BOP1: variants seen among roughly 807,000 people sequenced by gnomAD.
BOP1 encodes the protein ribosome biogenesis protein BOP1.
BOP1 carries 54 observed loss-of-function variants against 82.9 expected under a neutral mutation model. The observed-to-expected ratio is 0.65, with a 90% CI of 0.52 to 0.82. The LOEUF (loss-of-function observed/expected upper bound fraction) is 0.82. BOP1 is among the 40% of genes least tolerant of loss of function. The pLI is 0.00. For synonymous variants in BOP1, 566 were observed against 451.1 expected, an observed-to-expected ratio of 1.25 and a Z score of -3.23; for missense variants, 1,170 against 1,072.0, an observed-to-expected ratio of 1.09 and a Z score of -1.28.
At chr8:144,272,869 C>A (rs921761766) in intron 3 of BOP1, among the ~76,000 whole-genome samples, 2 of 152,196 alleles carry the variant, frequency 1.3e-5, no homozygotes, top group Admixed American at 6.5e-5. Flanking sequence ...AAGGGGCACG[C>A]GGCAGTCAGG....
intron 3 of BOP1, chr8:144,265,433 A>C (rs931952667): frequency 2.3e-5 from 9 of 385,678 alleles, no homozygotes; most frequent in Non-Finnish European, 2.4e-5. Context: ...GGCCTTAGGC[A>C]GAAGTGGGCA....
chr8:144,269,462 C>A (rs891981024), intron 3 of BOP1, among the ~76,000 whole-genome samples: 1 of 152,220 alleles, frequency 6.6e-6, no homozygotes, highest in South Asian at 2.1e-4. Context: ...CCAGGACTGC[C>A]CCTCCTCTGC....
At chr8:144,279,239 G>A (rs1432090440) in intron 2 of BOP1, among the ~76,000 whole-genome samples, 1 of 151,924 alleles carries the variant, frequency 6.6e-6, no homozygotes, top group Middle Eastern at 3.4e-3. Flanking sequence ...ACCGCCACAG[G>A]CCCTAAGACC....
chr8:144,287,322 A>T (rs1554839585), intron 2 of BOP1, among the ~76,000 whole-genome samples: 1 of 152,048 alleles, frequency 6.6e-6, no homozygotes, highest in South Asian at 2.1e-4. Context: ...AGAATTTAAT[A>T]AAAAAATCAT....
At chr8:144,266,570 T>A (rs1470138335) in intron 3 of BOP1, 1 of 1,012,760 alleles carries the variant, frequency 9.9e-7, no homozygotes, top group East Asian at 9.5e-5. Flanking sequence ...GGAGGCGGCA[T>A]GAGCAGCGCG....
chr8:144,284,464 C>G (rs1554839253), intron 2 of BOP1, among the ~76,000 whole-genome samples: 1 of 152,196 alleles, frequency 6.6e-6, no homozygotes, highest in Non-Finnish European at 1.5e-5. Context: ...GCCAGGCACT[C>G]TACGGGCACC....
chr8:144,266,886 G>C, intron 3 of BOP1: 1 of 1,511,086 alleles, frequency 6.6e-7, no homozygotes, highest in Admixed American at 1.9e-5. Context: ...CCAACAGCGT[G>C]AACACGGCCT....
At chr8:144,279,742 T>C (rs1176863166) in intron 2 of BOP1, among the ~76,000 whole-genome samples, 1 of 152,190 alleles carries the variant, frequency 6.6e-6, no homozygotes, top group African/African-American at 2.4e-5. Context: ...CAGCCCACAC[T>C]GACACCACAG....
At chr8:144,289,923 C>T (rs1002351169) in intron 1 of BOP1, among the ~76,000 whole-genome samples, 1 of 152,210 alleles carries the variant, frequency 6.6e-6, no homozygotes, top group African/African-American at 2.4e-5. Flanking sequence ...ACCGCAACCA[C>T]GCACCAACCC....
At position 144,283,146 on chromosome 8, in the gene BOP1, C is replaced by T. The variant is rs188772012; in HGVS notation, c.309+5949G>A. On this transcript the variant is annotated intron_variant, in intron 2 of 15. Transcript: ENST00000569669. ...CCAGGAGGCAGAAGTTGCAGTGAGC[C>T]GAGATTGTGCCACTGCACTCCAGCC... Among the ~76,000 whole-genome samples the T allele has an allele frequency of 9.9e-4, 138 of 138,818 alleles. 1 individual carries two copies. The highest frequency in any genetic ancestry group is 3.6e-3 in the African/African-American group (126 of 35,300). The allele number at this position is 138,818 out of a possible 152,430, so 91.1% of individuals were successfully genotyped here.
intron 2 of BOP1, among the ~76,000 whole-genome samples, chr8:144,280,418 CA>C (rs1342840842): frequency 2.6e-5 from 4 of 152,268 alleles, no homozygotes; most frequent in African/African-American, 9.6e-5. Context: ...ACCACAGCGA[CA>C]GGGGGCCCGA....
chr8:144,283,223 A>AG (rs1339165123), intron 2 of BOP1, among the ~76,000 whole-genome samples: 2 of 147,694 alleles, frequency 1.4e-5, no homozygotes, highest in Non-Finnish European at 3.0e-5. Flanking sequence ...AAAAAAAAAA[A>AG]AAGAAAGGCT....
chr8:144,268,766 G>A (rs1845439607), intron 3 of BOP1, among the ~76,000 whole-genome samples: 1 of 152,132 alleles, frequency 6.6e-6, no homozygotes, highest in Non-Finnish European at 1.5e-5. Context: ...AGATGGGGAG[G>A]GCGAGGCACA....
chr8:144,287,158 C>T (rs1430231094), intron 2 of BOP1, among the ~76,000 whole-genome samples: 6 of 152,060 alleles, frequency 3.9e-5, no homozygotes, highest in South Asian at 2.1e-4. Context: ...TACAGGCACG[C>T]GCCACCACGC....
intron 1 of BOP1, among the ~76,000 whole-genome samples, chr8:144,290,054 TAG>T (rs1302023803): frequency 2.0e-5 from 3 of 152,094 alleles, no homozygotes; most frequent in Admixed American, 1.3e-4. Context: ...AACAAGAACT[TAG>T]ACTCTTAGGA....
At chr8:144,266,789 G>C (rs1353176822) in intron 3 of BOP1, 1 of 1,112,558 alleles carries the variant, frequency 9.0e-7, no homozygotes, top group Non-Finnish European at 1.1e-6. Context: ...GCGGGGGGCC[G>C]GCGGGCCGGG....
intron 2 of BOP1, among the ~76,000 whole-genome samples, chr8:144,279,324 AGGCCACAACCACCATG>A (rs1845632533): frequency 6.8e-6 from 1 of 147,114 alleles, no homozygotes; most frequent in South Asian, 2.2e-4. Flanking sequence ...TGACGATCAC[AGGCCACAACCACCATG>A]GGCCACGACC....
intron 3 of BOP1, among the ~76,000 whole-genome samples, chr8:144,269,760 C>T (rs969595055): frequency 1.4e-4 from 22 of 152,184 alleles, no homozygotes; most frequent in African/African-American, 4.8e-4. Flanking sequence ...CCGGGGGACA[C>T]GGACATGCAG....
chr8:144,266,780 C>A (rs1294668070), intron 3 of BOP1: 2 of 1,047,272 alleles, frequency 1.9e-6, no homozygotes, highest in Admixed American at 5.6e-5. Context: ...CGGCGGAGGG[C>A]GGGGGGCCGG....
Sources: allele counts gnomAD v4.1 joint callset (sites outside exome capture counted in the v4.1 genomes callset), GRCh38; gene constraint gnomAD v4.1.1; transcripts MANE v1.5; gene names NCBI Gene and HGNC (gene_info 2026-07-23, HGNC 2026-07-21).